Variants in UVRAG observed in about 807,000 individuals in gnomAD.
UVRAG encodes the protein UV radiation resistance associated, also known as UV radiation resistance-associated gene protein.
Under a neutral mutation model 78.0 loss-of-function variants are expected in UVRAG, and 19 were observed. The observed-to-expected ratio is 0.24, with a 90% CI of 0.17 to 0.36. The LOEUF is 0.36. Ranked by LOEUF, UVRAG falls within the 10% of genes least tolerant of loss-of-function variation. The pLI, the probability that UVRAG is intolerant of heterozygous loss-of-function variation, is 1.00. For missense variants in UVRAG, 740 were observed against 853.8 expected, an observed-to-expected ratio of 0.87 and a Z score of 1.66; for synonymous variants, 323 against 324.6, an observed-to-expected ratio of 1.00 and a Z score of 0.05.
At chr11:76,014,294 A>G (rs1402016771) in intron 11 of UVRAG, among the ~76,000 whole-genome samples, 3 of 152,218 alleles carry the variant, frequency 2.0e-5, no homozygotes, top group Non-Finnish European at 2.9e-5. Context: ...TGAAACATTC[A>G]TTGTTTGCAT....
intron 6 of UVRAG, chr11:75,930,760 G>GAAAC (rs1048953929): frequency 2.6e-5 from 4 of 152,128 alleles, no homozygotes; most frequent in Admixed American, 2.6e-4. Context: ...GAATAGACTT[G>GAAAC]AAACATTGTT....
At chr11:75,861,319 A>G (rs1946416809) in intron 2 of UVRAG, among the ~76,000 whole-genome samples, 1 of 152,204 alleles carries the variant, frequency 6.6e-6, no homozygotes. Flanking sequence ...CCTAGATTAA[A>G]ACACTAGCAA....
chr11:76,027,540 T>C (rs993374180), intron 12 of UVRAG, among the ~76,000 whole-genome samples: 2 of 152,126 alleles, frequency 1.3e-5, no homozygotes, highest in African/African-American at 4.8e-5. Flanking sequence ...CTCTTATTGC[T>C]GAGTGACTGT....
At chr11:75,829,909 G>A (rs1468825587) in intron 1 of UVRAG, among the ~76,000 whole-genome samples, 1 of 152,094 alleles carries the variant, frequency 6.6e-6, no homozygotes, top group Non-Finnish European at 1.5e-5. Context: ...GCACAATCTC[G>A]GCTCACTGCA....
chr11:75,956,855 G>C (rs934528472), intron 6 of UVRAG, among the ~76,000 whole-genome samples: 2 of 152,012 alleles, frequency 1.3e-5, no homozygotes, highest in African/African-American at 4.8e-5. Context: ...GACTTTTCCT[G>C]TGCTTATTGG....
chr11:75,831,899 A>C (rs2135823352), intron 1 of UVRAG, among the ~76,000 whole-genome samples: 1 of 152,290 alleles, frequency 6.6e-6, no homozygotes, highest in African/African-American at 2.4e-5. Flanking sequence ...AGTTGGGCAA[A>C]ATCGTCTGAC....
chr11:76,057,923 G>T (rs901504216), intron 12 of UVRAG, among the ~76,000 whole-genome samples: 1 of 152,078 alleles, frequency 6.6e-6, no homozygotes, highest in Non-Finnish European at 1.5e-5. Context: ...TGTTGTTGTT[G>T]TTGTTATTGT....
At chr11:76,082,397 A>G (rs1168063687) in intron 13 of UVRAG, among the ~76,000 whole-genome samples, 2 of 151,900 alleles carry the variant, frequency 1.3e-5, no homozygotes, top group East Asian at 1.9e-4. Flanking sequence ...AAAATTAGCC[A>G]GGCGTGGTGT....
intron 14 of UVRAG, among the ~76,000 whole-genome samples, chr11:76,128,990 T>C (rs1165658524): frequency 6.6e-6 from 1 of 152,214 alleles, no homozygotes; most frequent in Non-Finnish European, 1.5e-5. Flanking sequence ...GTAGCTAATA[T>C]CAAGTGACTA....
chr11:76,009,637 T>C (rs1050971771), intron 11 of UVRAG, among the ~76,000 whole-genome samples: 6 of 152,188 alleles, frequency 3.9e-5, no homozygotes, highest in Non-Finnish European at 8.8e-5. Context: ...GGACTTTCAT[T>C]TTCTTATAAA....
At chr11:76,088,224 C>T (rs955610154) in intron 13 of UVRAG, among the ~76,000 whole-genome samples, 69 of 152,274 alleles carry the variant, frequency 4.5e-4, no homozygotes, top group African/African-American at 1.6e-3. Context: ...TCAGTGATAC[C>T]ATTATAGCGC....
At chr11:75,903,906 GAAGTTAA>G (rs879309611) in intron 5 of UVRAG, among the ~76,000 whole-genome samples, 4 of 152,148 alleles carry the variant, frequency 2.6e-5, no homozygotes, top group Non-Finnish European at 4.4e-5. Flanking sequence ...TAGTTTTAAT[GAAGTTAA>G]GGACAGTCTT....
At chr11:75,893,945 G>C (rs1947281397) in intron 5 of UVRAG, among the ~76,000 whole-genome samples, 1 of 152,130 alleles carries the variant, frequency 6.6e-6, no homozygotes, top group African/African-American at 2.4e-5. Context: ...GCACCTGTCA[G>C]GGATAGTTTT....
intron 7 of UVRAG, 61 bp downstream of exon 7, chr11:75,961,610 C>A: frequency 2.3e-6 from 3 of 1,317,484 alleles, no homozygotes; most frequent in Non-Finnish European, 3.1e-6. Context: ...GTATCATATT[C>A]TTCTAGGGTT....
At chr11:76,134,300 T>C (rs1952564934) in intron 14 of UVRAG, among the ~76,000 whole-genome samples, 1 of 149,650 alleles carries the variant, frequency 6.7e-6, no homozygotes, top group African/African-American at 2.5e-5. Context: ...GAGTCTTACT[T>C]TCATCCAAGC....
At chr11:75,973,926 G>A (rs1322796705) in intron 7 of UVRAG, among the ~76,000 whole-genome samples, 1 of 152,180 alleles carries the variant, frequency 6.6e-6, no homozygotes, top group Non-Finnish European at 1.5e-5. Context: ...TGGTGTATAT[G>A]TGCCACATTT....
At chr11:75,962,715 A>G (rs1948932887) in intron 7 of UVRAG, among the ~76,000 whole-genome samples, 1 of 152,156 alleles carries the variant, frequency 6.6e-6, no homozygotes, top group Admixed American at 6.5e-5. Flanking sequence ...AGGAAAAATC[A>G]CTAATTTTAA....
intron 1 of UVRAG, 139 bp downstream of exon 1, chr11:75,815,663 CAGG>C: frequency 2.2e-6 from 1 of 463,230 alleles, no homozygotes; most frequent in Non-Finnish European, 3.5e-6. Flanking sequence ...GGAAGACTGT[CAGG>C]AGGTTTGTGC....
chr11:75,912,182 T>G, intron 6 of UVRAG, 143 bp downstream of exon 6: 1 of 626,632 alleles, frequency 1.6e-6, no homozygotes, highest in Non-Finnish European at 2.8e-6. Flanking sequence ...TCATAAATTT[T>G]GTAGCTACAG....
Sources: gnomAD v4.1 joint callset for allele counts (sites outside exome capture counted in the v4.1 genomes callset) on GRCh38, gnomAD v4.1.1 for gene constraint, MANE v1.5 for transcripts, NCBI Gene and HGNC (gene_info 2026-07-23, HGNC 2026-07-21) for gene names.